Variants in PLPP3 observed in about 807,000 individuals in gnomAD.
PLPP3 encodes the protein phospholipid phosphatase 3.
In PLPP3, 6 loss-of-function variants were observed where a neutral mutation model predicts 29.6. That is an observed-to-expected ratio of 0.20 (90% CI 0.11 to 0.40). The LOEUF (loss-of-function observed/expected upper bound fraction) is 0.40, where lower values mean the gene tolerates loss of function less well. Among genes scored for constraint, PLPP3 ranks in the 10% least tolerant of loss-of-function variants. The probability of loss-of-function intolerance (pLI) is 1.00; values close to 1 mark genes in which losing one functional copy is unlikely to be tolerated. For missense variants in PLPP3, 308 were observed against 407.7 expected (o/e 0.76, Z 2.11); for synonymous variants, 152 against 159.7 (o/e 0.95, Z 0.36).
At chr1:56,538,498 C>G (rs1569890842) in intron 1 of PLPP3, 2 of 433,264 alleles carry the variant, frequency 4.6e-6, no homozygotes, top group East Asian at 1.2e-4. Context: ...TAGATGTTCT[C>G]TAGGCCTGTT....
intron 1 of PLPP3, among the ~76,000 whole-genome samples, chr1:56,565,712 C>T (rs1183218379): frequency 1.3e-5 from 2 of 152,252 alleles, no homozygotes; most frequent in African/African-American, 2.4e-5. Context: ...TGAGCCACTG[C>T]GCCTGGCCTA....
intron 1 of PLPP3, among the ~76,000 whole-genome samples, chr1:56,571,243 G>A (rs1462588289): frequency 1.3e-5 from 2 of 152,204 alleles, no homozygotes; most frequent in African/African-American, 2.4e-5. Context: ...AGGATGTGGT[G>A]ATGATAATGA....
Position 56,547,742 on chromosome 1 carries a change from C to T in PLPP3, c.140-10630G>A, listed in dbSNP as rs115185006. The stretch of plus-strand genomic sequence containing the variant: ...GGGATCCATTTCAGCACACCCCTAA[C>T]CCATTTGCTGGGATCCTCTTGGGAA... On this transcript the variant is annotated intron_variant, in intron 1 of 5. Coordinates refer to ENST00000371250, the MANE Select transcript of PLPP3 (RefSeq NM_003713.5). Among the ~76,000 whole-genome samples the T allele has an allele frequency of 4.6e-3, 708 of 152,284 alleles. 5 individuals carry two copies. The highest frequency in any genetic ancestry group is 9.0e-3 in the Admixed American group (137 of 15,304).
At chr1:56,532,493 T>A (rs1352694046) in intron 2 of PLPP3, among the ~76,000 whole-genome samples, 3 of 152,134 alleles carry the variant, frequency 2.0e-5, no homozygotes, top group Non-Finnish European at 4.4e-5. Context: ...GGGGAGGAAC[T>A]AATGAAGTCC....
intron 1 of PLPP3, among the ~76,000 whole-genome samples, chr1:56,571,468 C>T (rs989087450): frequency 2.6e-5 from 4 of 152,202 alleles, no homozygotes; most frequent in African/African-American, 9.6e-5. Flanking sequence ...ACACCTCTCT[C>T]CCTTCCCCAG....
rs1645631849 is a variant in PLPP3 at position 56,496,479 on chromosome 1, T to C, written c.*72A>G. The C allele has an allele frequency of 3.3e-6, 5 of 1,538,088 alleles. No homozygotes were observed. Among genetic ancestry groups the C allele is most frequent in the South Asian group, 1.2e-5 (1 of 86,462 alleles). On this transcript the variant is annotated 3_prime_UTR_variant, in exon 6 of 6. Transcript: ENST00000371250. ...TTTTTCCCTACATTCTACTGTCTGA[T>C]GAGATTGGAGAGCAGCAAGAACTTG...
intron 1 of PLPP3, among the ~76,000 whole-genome samples, chr1:56,563,155 T>C (rs1646141610): frequency 2.0e-5 from 3 of 152,188 alleles, no homozygotes; most frequent in Admixed American, 2.0e-4. Flanking sequence ...CTCTAAGTCC[T>C]ATTTAACTTT....
intron 4 of PLPP3, among the ~76,000 whole-genome samples, chr1:56,521,912 C>T (rs755655727): frequency 3.3e-5 from 5 of 152,170 alleles, no homozygotes; most frequent in African/African-American, 1.2e-4. Context: ...AGTTGGGGAC[C>T]GGAGGGAGGG....
chr1:56,556,188 G>C (rs908909452), intron 1 of PLPP3, among the ~76,000 whole-genome samples: 5 of 152,194 alleles, frequency 3.3e-5, no homozygotes, highest in African/African-American at 1.2e-4. Context: ...GCACCTTAGA[G>C]TATGAAGTTA....
At chr1:56,550,825 T>C (rs1019526233) in intron 1 of PLPP3, among the ~76,000 whole-genome samples, 1 of 152,020 alleles carries the variant, frequency 6.6e-6, no homozygotes, top group Non-Finnish European at 1.5e-5. Flanking sequence ...TATGTTTGCC[T>C]GAGAAATGGA....
At chr1:56,505,058 G>A (rs1254618476) in intron 5 of PLPP3, among the ~76,000 whole-genome samples, 1 of 152,148 alleles carries the variant, frequency 6.6e-6, no homozygotes, top group Non-Finnish European at 1.5e-5. Flanking sequence ...CCTCTATTGG[G>A]TTATGATATA....
intron 4 of PLPP3, among the ~76,000 whole-genome samples, chr1:56,521,434 A>G (rs1645818958): frequency 6.6e-6 from 1 of 151,982 alleles, no homozygotes; most frequent in Non-Finnish European, 1.5e-5. Context: ...CTGTGTATAT[A>G]TATGTTGTAT....
At chr1:56,569,190 T>C (rs1473255121) in intron 1 of PLPP3, among the ~76,000 whole-genome samples, 1 of 152,184 alleles carries the variant, frequency 6.6e-6, no homozygotes, top group East Asian at 1.9e-4. Context: ...TTTTTGTTTT[T>C]TTGAGATGTA....
chr1:56,532,974 T>C (rs1035438722), intron 2 of PLPP3, among the ~76,000 whole-genome samples: 1 of 151,782 alleles, frequency 6.6e-6, no homozygotes, highest in Non-Finnish European at 1.5e-5. Context: ...CCTGGAGAAA[T>C]GTCCGCCTGG....
intron 2 of PLPP3, 141 bp downstream of exon 2, chr1:56,536,814 T>C: frequency 9.6e-7 from 1 of 1,040,118 alleles, no homozygotes; most frequent in East Asian, 2.5e-5. Context: ...CAGGATTAAC[T>C]ACCTTCCTTC....
intron 1 of PLPP3, among the ~76,000 whole-genome samples, chr1:56,567,222 C>G (rs1230767949): frequency 6.6e-6 from 1 of 152,046 alleles, no homozygotes; most frequent in African/African-American, 2.4e-5. Context: ...TCTGCTCACT[C>G]ATCTTAAACC....
Position 56,523,501 on chromosome 1 carries a change from C to T in PLPP3, c.633+322G>A, listed in dbSNP as rs116696182. Among the ~76,000 whole-genome samples, 719 of 152,202 alleles carry T rather than the reference C, an allele frequency of 4.7e-3. 4 individuals are homozygous for T. The highest frequency in any genetic ancestry group is 0.015 in the African/African-American group (628 of 41,510). ...TAATGTAGTCCAGGGGTTTTTGTAACGGCAAAAACCTCAATTACTCTTGCA... is the reference window on the plus strand; with the variant it reads ...TAATGTAGTCCAGGGGTTTTTGTAATGGCAAAAACCTCAATTACTCTTGCA... On this transcript the variant is annotated intron_variant, in intron 4 of 5. Coordinates refer to ENST00000371250, the MANE Select transcript of PLPP3 (RefSeq NM_003713.5).
intron 1 of PLPP3, among the ~76,000 whole-genome samples, chr1:56,552,587 A>G (rs72664362): frequency 1.3e-5 from 2 of 151,874 alleles, no homozygotes; most frequent in Non-Finnish European, 2.9e-5. Flanking sequence ...CTGCCCTCAG[A>G]GAGCTCCTGG....
At chr1:56,500,684 G>A (rs1645661464) in intron 5 of PLPP3, among the ~76,000 whole-genome samples, 1 of 152,286 alleles carries the variant, frequency 6.6e-6, no homozygotes, top group Middle Eastern at 3.4e-3. Flanking sequence ...AAGCAGGGAA[G>A]CAACATGTTG....
Sources: gnomAD v4.1 joint callset for allele counts (sites outside exome capture counted in the v4.1 genomes callset) on GRCh38, gnomAD v4.1.1 for gene constraint, MANE v1.5 for transcripts, NCBI Gene and HGNC (gene_info 2026-07-23, HGNC 2026-07-21) for gene names.